Variants in NEK7 observed in about 807,000 individuals in gnomAD.
The protein encoded by NEK7 is NIMA related kinase 7.
A neutral mutation model predicts 44.6 loss-of-function variants in NEK7; 18 were observed. The ratio of observed to expected loss-of-function variants is 0.40; its 90% CI spans 0.28 to 0.60. The LOEUF (loss-of-function observed/expected upper bound fraction) is 0.60. Among genes scored for constraint, NEK7 ranks in the 20% least tolerant of loss-of-function variants. NEK7 has a pLI of 0.38. For missense variants in NEK7, 256 were observed against 366.5 expected, an observed-to-expected ratio of 0.70 and a Z score of 2.46; for synonymous variants, 130 against 121.1, an observed-to-expected ratio of 1.07 and a Z score of -0.48.
intron 2 of NEK7, among the ~76,000 whole-genome samples, chr1:198,247,486 A>G (rs2102907944): frequency 6.6e-6 from 1 of 152,306 alleles, no homozygotes; most frequent in Admixed American, 6.5e-5. Context: ...TAAAGTCCTG[A>G]TATACAGTGC....
At chr1:198,227,300 G>T (rs1198740564) in intron 1 of NEK7, among the ~76,000 whole-genome samples, 1 of 152,166 alleles carries the variant, frequency 6.6e-6, no homozygotes, top group African/African-American at 2.4e-5. Context: ...CCAAGTCTTT[G>T]CTATTGTGAA....
chr1:198,273,073 T>G, intron 5 of NEK7, among the ~76,000 whole-genome samples: 1 of 151,928 alleles, frequency 6.6e-6, no homozygotes, highest in South Asian at 2.1e-4. Context: ...TGATTATATT[T>G]ATATTCTATT....
chr1:198,261,611 T>C (rs927931516), intron 3 of NEK7, among the ~76,000 whole-genome samples: 2 of 151,920 alleles, frequency 1.3e-5, no homozygotes, highest in African/African-American at 4.8e-5. Context: ...ATTAATTTTT[T>C]TATTTGTTAT....
intron 1 of NEK7, among the ~76,000 whole-genome samples, chr1:198,213,281 G>C (rs773269199): frequency 1.2e-4 from 19 of 152,162 alleles, no homozygotes; most frequent in Non-Finnish European, 1.2e-4. Context: ...TGCAGGCCTT[G>C]AGCCTCTGAA....
chr1:198,171,395 T>C (rs530930489), intron 1 of NEK7, among the ~76,000 whole-genome samples: 6 of 152,040 alleles, frequency 3.9e-5, no homozygotes, highest in Non-Finnish European at 8.8e-5. Context: ...AAAAATACTT[T>C]ATGGGCCGGG....
At chr1:198,290,277 C>T (rs1654513036) in intron 7 of NEK7, among the ~76,000 whole-genome samples, 2 of 152,196 alleles carry the variant, frequency 1.3e-5, no homozygotes, top group Admixed American at 6.5e-5. Context: ...ACTCTCTTTT[C>T]TTGTACAGCT....
At chr1:198,220,486 A>G (rs564150077) in intron 1 of NEK7, among the ~76,000 whole-genome samples, 2 of 152,246 alleles carry the variant, frequency 1.3e-5, no homozygotes, top group African/African-American at 4.8e-5. Context: ...AAGATCTGAT[A>G]GTTATCCTAG....
intron 2 of NEK7, among the ~76,000 whole-genome samples, chr1:198,250,706 CT>C (rs1652916311): frequency 1.4e-5 from 2 of 144,200 alleles, no homozygotes; most frequent in South Asian, 4.9e-4. Context: ...TATAAGAATG[CT>C]TGTGATTTTT....
intron 1 of NEK7, among the ~76,000 whole-genome samples, chr1:198,170,094 G>T (rs1283985920): frequency 6.6e-6 from 1 of 152,162 alleles, no homozygotes; most frequent in Non-Finnish European, 1.5e-5. Flanking sequence ...GTATGAAGGA[G>T]GTCTTATTGT....
chr1:198,226,945 G>T (rs1666245935), intron 1 of NEK7, among the ~76,000 whole-genome samples: 1 of 151,816 alleles, frequency 6.6e-6, no homozygotes, highest in South Asian at 2.1e-4. Context: ...GTATACATGT[G>T]CCATGTTGGT....
At chr1:198,189,872 TATTA>T (rs1158475818) in intron 1 of NEK7, among the ~76,000 whole-genome samples, 2 of 152,144 alleles carry the variant, frequency 1.3e-5, no homozygotes, top group Admixed American at 6.5e-5. Flanking sequence ...AGAATTTGTG[TATTA>T]ATTGATTAAA....
At chr1:198,288,863 C>T (rs1654458857) in intron 7 of NEK7, among the ~76,000 whole-genome samples, 1 of 152,116 alleles carries the variant, frequency 6.6e-6, no homozygotes, top group African/African-American at 2.4e-5. Flanking sequence ...GCAACAATAA[C>T]AATAAAATAT....
chr1:198,315,390 C>A (rs567307833), intron 9 of NEK7, among the ~76,000 whole-genome samples: 2 of 152,200 alleles, frequency 1.3e-5, no homozygotes, highest in African/African-American at 4.8e-5. Flanking sequence ...AGAAATCACC[C>A]GTCTTCTGCG....
At chr1:198,180,141 C>T (rs1010547777) in intron 1 of NEK7, among the ~76,000 whole-genome samples, 1 of 150,908 alleles carries the variant, frequency 6.6e-6, no homozygotes, top group African/African-American at 2.4e-5. Context: ...ATTTAGAAAC[C>T]TTAAAAATCA....
Position 198,311,073 on chromosome 1 carries a change from T to A in NEK7, c.799-8339T>A, listed in dbSNP as rs1304693346. On this transcript the variant is annotated intron_variant, in intron 9 of 9. Transcript: ENST00000367385. ...TATTGATTCTTCCTACCCACGAGCA[T>A]GGAATGTTCTTCCATTTGTTTGTAT... is the stretch of plus-strand genomic sequence containing the variant. Among the ~76,000 whole-genome samples the A allele has an allele frequency of 2.7e-5, 4 of 149,660 alleles. 1 individual carries two copies. Among genetic ancestry groups the A allele is most frequent in the African/African-American group, 7.5e-5 (3 of 40,074 alleles).
chr1:198,306,130 T>C (rs1655019081), intron 9 of NEK7, among the ~76,000 whole-genome samples: 1 of 152,186 alleles, frequency 6.6e-6, no homozygotes, highest in East Asian at 1.9e-4. Flanking sequence ...AGAGTTTTTA[T>C]GAAGATTGAA....
chr1:198,210,620 A>ATAT (rs34864232), intron 1 of NEK7, among the ~76,000 whole-genome samples: 50,734 of 150,912 alleles, frequency 0.34, 9,724 homozygotes, highest in East Asian at 0.8. Flanking sequence ...AAAAATCTTG[A>ATAT]TATCATTTTT....
chr1:198,181,559 G>A (rs542719088), intron 1 of NEK7, among the ~76,000 whole-genome samples: 1 of 152,214 alleles, frequency 6.6e-6, no homozygotes, highest in South Asian at 2.1e-4. Flanking sequence ...TACACAGAAA[G>A]TTATTGGTAA....
chr1:198,272,773 A>C (rs1229617846), intron 5 of NEK7, among the ~76,000 whole-genome samples: 5 of 147,728 alleles, frequency 3.4e-5, no homozygotes, highest in Non-Finnish European at 7.6e-5. Context: ...CTTTTTAGTA[A>C]TTCTGATGCA....
Sources: allele counts gnomAD v4.1 joint callset (sites outside exome capture counted in the v4.1 genomes callset), GRCh38; gene constraint gnomAD v4.1.1; transcripts MANE v1.5; gene names NCBI Gene and HGNC (gene_info 2026-07-23, HGNC 2026-07-21).